The following SSC5D variants were observed in gnomAD, a reference collection of about 807,000 sequenced individuals.
The protein encoded by SSC5D is soluble scavenger receptor cysteine-rich domain-containing protein SSC5D.
A neutral mutation model predicts 104.6 loss-of-function variants in SSC5D; 106 were observed. The ratio of observed to expected loss-of-function variants is 1.01; its 90% CI spans 0.87 to 1.19. SSC5D has a LOEUF of 1.19. Ranked by LOEUF, SSC5D falls within the 50% of genes most tolerant of loss-of-function variation. The pLI is 0.00. For synonymous variants in SSC5D, 860 were observed against 883.5 expected (o/e 0.97, Z 0.47); for missense variants, 1,993 against 2,153.8 (o/e 0.93, Z 1.48).
chr19:55,504,346 G>A, intron 12 of SSC5D: 1 of 1,403,576 alleles, frequency 7.1e-7, no homozygotes, highest in Non-Finnish European at 9.3e-7. Context: ...TGAAAAGACA[G>A]CCATGTGTGC....
chr19:55,505,911 A>T (rs1987626700), intron 12 of SSC5D, among the ~76,000 whole-genome samples: 1 of 151,322 alleles, frequency 6.6e-6, no homozygotes, highest in Non-Finnish European at 1.5e-5. Flanking sequence ...TAATTTTTGT[A>T]TTTTTAGTAG....
intron 7 of SSC5D, 56 bp downstream of exon 7, chr19:55,493,968 G>A (rs111943945): frequency 3.9e-6 from 2 of 516,016 alleles, no homozygotes; most frequent in South Asian, 2.2e-5. Context: ...TTGGAGCGGA[G>A]GGGCAAGTTC....
At position 55,490,409 on chromosome 19, in the gene SSC5D, G is replaced by T; in HGVS notation, c.586+1G>T. 7.8e-7 allele frequency: 1 copy of T among 1,287,816 alleles called. No individual in the cohort carries two copies. Among genetic ancestry groups the T allele is most frequent in the South Asian group, 1.3e-5 (1 of 74,972 alleles). The allele number at this position is 1,287,816 out of a possible 1,614,324, so 79.8% of individuals were successfully genotyped here. A position where few individuals can be genotyped will look rare whatever the true frequency, so the allele number is the denominator to read the frequency against. On this transcript the variant is annotated splice_donor_variant, in intron 5 of 13. Transcript: ENST00000389623. LOFTEE classifies it high-confidence loss of function. ...CTGACGACAGGAGCCCCCCGCCAAG[G>T]TAAGCTCCCTGCAGGCTCCCCCGAC...
intron 4 of SSC5D, 34 bp downstream of exon 4, chr19:55,490,029 C>G: frequency 6.8e-7 from 1 of 1,474,664 alleles, no homozygotes; most frequent in South Asian, 1.2e-5. Flanking sequence ...CAACCCCCAC[C>G]CAGCGTGCCC....
intron 1 of SSC5D, 77 bp downstream of exon 1, chr19:55,488,691 G>A: frequency 1.5e-6 from 2 of 1,353,478 alleles, no homozygotes; most frequent in South Asian, 1.3e-5. Flanking sequence ...CCAGTTTAGG[G>A]ACTCAAACTT....
At chr19:55,505,792 A>G (rs8104263) in intron 12 of SSC5D, among the ~76,000 whole-genome samples, 25,083 of 151,660 alleles carry the variant, frequency 0.17, 3,180 homozygotes, top group African/African-American at 0.33. Context: ...GCTGGAGTGC[A>G]GTGGTATGAT....
chr19:55,509,824 A>G (rs1210200252), intron 12 of SSC5D, among the ~76,000 whole-genome samples: 1 of 98,428 alleles, frequency 1.0e-5, no homozygotes, highest in African/African-American at 4.9e-5. Flanking sequence ...TTGCCATTGC[A>G]CTGCAACAAG....
chr19:55,510,279 G>T (rs1047571259), intron 12 of SSC5D, among the ~76,000 whole-genome samples: 1 of 152,190 alleles, frequency 6.6e-6, no homozygotes, highest in Admixed American at 6.5e-5. Context: ...GATTACAGGC[G>T]TGAGCCGCCG....
At chr19:55,494,333 G>T (rs1382320248) in intron 7 of SSC5D, among the ~76,000 whole-genome samples, 2 of 150,894 alleles carry the variant, frequency 1.3e-5, no homozygotes, top group Non-Finnish European at 3.0e-5. Flanking sequence ...CCCGGCGGAA[G>T]CCAGCCTTCT....
chr19:55,500,193 C>T lies in SSC5D; in HGVS notation c.2083C>T (p.His695Tyr). ...GGAGGCCCCCCAGAGATGGACCTCT[C>T]ACACCACTGCCACGCTGACCCCTCA... ...TTEAPQRWTS[H>Y]TTATLTPQAP... Residue 695 changes from histidine (H) to tyrosine (Y), a missense_variant, in exon 10 of 14, where the codon CAC (histidine) becomes TAC (tyrosine). By Grantham distance (83) the His-to-Tyr change is moderately conservative. Around this residue, in one of 6 missense-constraint regions of SSC5D, gnomAD observed 1,101 missense variants for 1,085.0 expected, o/e 1.01. Coordinates refer to ENST00000389623, the MANE Select transcript of SSC5D (RefSeq NM_001144950.2). The surrounding 1 kb of genome is among the most constrained non-coding windows in gnomAD (Gnocchi z 4.6). The T allele has an allele frequency of 6.4e-7, 1 of 1,551,482 alleles. No individual in the cohort carries two copies.
chr19:55,493,749 G>A lies in SSC5D; in HGVS notation c.1050G>A (p.Ala350=). 4.6e-6 allele frequency: 7 copies of A among 1,524,646 alleles called. No individual in the cohort carries two copies. Among genetic ancestry groups the A allele is most frequent in the Admixed American group, 2.1e-5 (1 of 46,536 alleles). The allele number at this position is 1,524,646 out of a possible 1,614,324, so 94.4% of individuals were successfully genotyped here. The change falls in exon 7 of 14, where the codon GCG becomes GCA. Residue 350 remains alanine (A), a synonymous_variant. Transcript: ENST00000389623. ...GCCGAGAGCTGGGCTGCGGAGGGGC[G>A]CTGGCCGCCCCCGGGGGCGCCTTCT... is the stretch of plus-strand genomic sequence containing the variant. The part of the protein sequence containing the change: ...VACRELGCGG[A]LAAPGGAFFG...
Position 55,488,593 on chromosome 19 carries a change from A to C in SSC5D, c.4A>C (p.Arg2=). Residue 2 remains arginine (R), a synonymous_variant, in exon 1 of 14, where the codon AGG becomes CGG. Transcript: ENST00000389623. M[R]VLACLLAALV... ...ATCCCCTGCCCTGGCTGCAACCATG[A>C]GGGTCTTGGCCTGCCTCCTTGGTGA... 6.5e-7 allele frequency: 1 copy of C among 1,548,350 alleles called. No individual in the cohort carries two copies. The highest frequency in any genetic ancestry group is 8.7e-7 in the Non-Finnish European group (1 of 1,145,992).
rs56232242 is a variant in SSC5D at position 55,495,234 on chromosome 19, T to TATATATATATATA, written c.1387+451_1387+452insATATATATATATA. Among the ~76,000 whole-genome samples, 99 of 22,170 alleles carry TATATATATATATA rather than the reference T, an allele frequency of 4.5e-3. 6 individuals are homozygous for TATATATATATATA. Among genetic ancestry groups the TATATATATATATA allele is most frequent in the Middle Eastern group, 0.053 (2 of 38 alleles). The allele number at this position is 22,170 out of a possible 152,430, so 14.5% of individuals were successfully genotyped here. A position where few individuals can be genotyped will look rare whatever the true frequency, so the allele number is the denominator to read the frequency against. ...CTCCTTTCATATATATATATATATA[T>TATATATATATATA]TTTTTTTTTTTTTTTTTTTTTTTTT... On this transcript the variant is annotated intron_variant, in intron 8 of 13. Coordinates refer to ENST00000389623, the MANE Select transcript of SSC5D (RefSeq NM_001144950.2).
chr19:55,504,134 C>T (rs753990816), intron 12 of SSC5D: 10 of 1,535,412 alleles, frequency 6.5e-6, no homozygotes, highest in Middle Eastern at 1.7e-4. Flanking sequence ...GCGGGAGCTC[C>T]GAGAGGTGAT....
chr19:55,506,455 C>T (rs544893125), intron 12 of SSC5D, among the ~76,000 whole-genome samples: 2 of 117,746 alleles, frequency 1.7e-5, no homozygotes, highest in African/African-American at 6.5e-5. Context: ...AGTGCAGTGG[C>T]GTGATCTTGT....
At chr19:55,507,686 A>AG (rs1987669578) in intron 12 of SSC5D, among the ~76,000 whole-genome samples, 1 of 151,278 alleles carries the variant, frequency 6.6e-6, no homozygotes, top group Non-Finnish European at 1.5e-5. Context: ...AAAAAAAAAA[A>AG]AAGAAAAAAA....
intron 12 of SSC5D, among the ~76,000 whole-genome samples, chr19:55,511,817 C>A (rs931617009): frequency 6.6e-6 from 1 of 152,116 alleles, no homozygotes; most frequent in East Asian, 1.9e-4. Flanking sequence ...GGGCAGGTGT[C>A]TGCCAGTTTT....
rs543046958 is a variant in SSC5D at position 55,503,560 on chromosome 19, C to A, written c.2785+2359C>A. 3.9e-5 allele frequency among the ~76,000 whole-genome samples: 6 copies of A among 152,178 alleles called. No individual in the cohort carries two copies. The East Asian group carries it at 9.7e-4, about 25-fold the overall frequency. On this transcript the variant is annotated intron_variant, in intron 12 of 13. Coordinates refer to ENST00000389623, the MANE Select transcript of SSC5D (RefSeq NM_001144950.2). The surrounding 1 kb of genome is among the most constrained non-coding windows in gnomAD (Gnocchi z 4.0). ...GCGGGCTCCTCTGTCCGTTTCTCAC[C>A]GTCCCCGCCGCCCTCGCCGCTCCCT... is the stretch of plus-strand genomic sequence containing the variant.
In SSC5D at chr19:55,489,871, C is replaced by T; in HGVS notation, c.362-11C>T. On this transcript the variant is annotated splice_polypyrimidine_tract_variant and intron_variant, in intron 3 of 13. Transcript: ENST00000389623. ...CTCCTCATAGCTTCTGTCCCTGCCCCCCCGCCGCAGGTCAGCGTGTGGCTA... is the reference window on the plus strand; with the variant it reads ...CTCCTCATAGCTTCTGTCCCTGCCCTCCCGCCGCAGGTCAGCGTGTGGCTA... 6.5e-7 allele frequency: 1 copy of T among 1,548,674 alleles called. No homozygotes were observed. Among genetic ancestry groups the T allele is most frequent in the South Asian group, 1.2e-5 (1 of 84,012 alleles).
Sources: gnomAD v4.1 joint callset for allele counts (sites outside exome capture counted in the v4.1 genomes callset) on GRCh38, gnomAD v4.1.1 for gene constraint, gnomAD v4.1.1 regional missense constraint, Gnocchi (gnomAD v3.1) non-coding constraint, MANE v1.5 for transcripts, NCBI Gene and HGNC (gene_info 2026-07-23, HGNC 2026-07-21) for gene names.